Variants in NRG1 observed in about 807,000 individuals in gnomAD.
NRG1 encodes pro-neuregulin-1, membrane-bound isoform.
NRG1 carries 18 observed loss-of-function variants against 63.8 expected under a neutral mutation model. The ratio of observed to expected loss-of-function variants is 0.28; its 90% CI spans 0.19 to 0.42. NRG1 has a LOEUF of 0.42. Among genes scored for constraint, NRG1 ranks in the 10% least tolerant of loss-of-function variants. The probability of loss-of-function intolerance (pLI) is 1.00; values close to 1 mark genes in which losing one functional copy is unlikely to be tolerated. For missense variants in NRG1, 762 were observed against 814.7 expected (o/e 0.94, Z 0.79); for synonymous variants, 302 against 301.3 (o/e 1.00, Z -0.02).
intron 1 of NRG1, among the ~76,000 whole-genome samples, chr8:31,793,144 C>T (rs1302270115): frequency 6.6e-6 from 1 of 152,154 alleles, no homozygotes; most frequent in African/African-American, 2.4e-5. Context: ...TTGGCAATAA[C>T]TCAAGGTCTG....
chr8:32,096,298 G>A (rs533814984), intron 1 of NRG1, among the ~76,000 whole-genome samples: 34 of 152,182 alleles, frequency 2.2e-4, no homozygotes, highest in African/African-American at 5.5e-4. Context: ...AAAATTTTTC[G>A]TTGATACATA....
intron 1 of NRG1, among the ~76,000 whole-genome samples, chr8:32,568,480 A>C (rs1837890634): frequency 1.3e-5 from 2 of 152,220 alleles, no homozygotes; most frequent in Non-Finnish European, 2.9e-5. Flanking sequence ...TGCTTTGGGA[A>C]TATATCCAAG....
intron 1 of NRG1, among the ~76,000 whole-genome samples, chr8:32,296,952 T>A (rs1407158057): frequency 6.6e-6 from 1 of 151,950 alleles, no homozygotes; most frequent in Non-Finnish European, 1.5e-5. Context: ...CCCACTCTAC[T>A]AAAAATACAA....
chr8:32,243,091 CA>C (rs1848269963), intron 1 of NRG1, among the ~76,000 whole-genome samples: 1 of 151,992 alleles, frequency 6.6e-6, no homozygotes, highest in African/African-American at 2.4e-5. Flanking sequence ...TTCCTCTATG[CA>C]TGTCTGTCTC....
intron 1 of NRG1, among the ~76,000 whole-genome samples, chr8:32,215,709 A>C (rs1845147228): frequency 6.6e-6 from 1 of 152,120 alleles, no homozygotes; most frequent in South Asian, 2.1e-4. Flanking sequence ...AAAATTTTTG[A>C]CTTTGTTTAA....
intron 1 of NRG1, among the ~76,000 whole-genome samples, chr8:32,166,299 C>T (rs1476120404): frequency 6.6e-6 from 1 of 152,070 alleles, no homozygotes; most frequent in Non-Finnish European, 1.5e-5. Flanking sequence ...GCTCAGCTCA[C>T]AACTGGAAAT....
rs115374495 is a variant in NRG1, at chr8:31,722,572, A to G, written c.37+83141A>G. On this transcript the variant is annotated intron_variant, in intron 1 of 10. Transcript: ENST00000519301. ...CTGTATTTTAATTCACTGCCTATCA[A>G]GCCTTGCTCTCTTTGAATTATATTT... Among the ~76,000 whole-genome samples the G allele has an allele frequency of 3.2e-3, 492 of 152,330 alleles. 8 individuals carry two copies. Among genetic ancestry groups the G allele is most frequent in the African/African-American group, 0.01 (424 of 41,578 alleles).
chr8:32,170,762 G>C lies in NRG1; in HGVS notation c.38-425066G>C, dbSNP rs144973953. On this transcript the variant is annotated intron_variant, in intron 1 of 10. Coordinates refer to the NRG1 transcript ENST00000519301. ...TGATTTGGAGTATCTAGTCTCCAAA[G>C]TGATTGCTCTAGAGACATTTATCAA... Among the ~76,000 whole-genome samples the C allele has an allele frequency of 1.2e-4, 19 of 152,310 alleles. 1 individual carries two copies. The East Asian group carries it at 3.5e-3, about 28-fold the overall frequency.
At chr8:32,175,729 A>T (rs996236702) in intron 1 of NRG1, among the ~76,000 whole-genome samples, 4 of 152,208 alleles carry the variant, frequency 2.6e-5, no homozygotes, top group African/African-American at 9.7e-5. Context: ...ACTCCCATTC[A>T]CAATTGCTTC....
At chr8:32,278,511 C>G (rs1295314758) in intron 1 of NRG1, among the ~76,000 whole-genome samples, 1 of 152,138 alleles carries the variant, frequency 6.6e-6, no homozygotes, top group Non-Finnish European at 1.5e-5. Flanking sequence ...GGTCATCATT[C>G]CTAATTAGAG....
chr8:31,846,867 T>C (rs1390253351), intron 1 of NRG1, among the ~76,000 whole-genome samples: 3 of 152,192 alleles, frequency 2.0e-5, no homozygotes, highest in Admixed American at 1.3e-4. Flanking sequence ...TGTCATTTAG[T>C]GAATATGTAT....
chr8:32,683,756 T>C (rs769826901), intron 5 of NRG1, among the ~76,000 whole-genome samples: 1 of 152,114 alleles, frequency 6.6e-6, no homozygotes, highest in Non-Finnish European at 1.5e-5. Context: ...TTTATACTGA[T>C]GAAATGCTGT....
At chr8:32,495,087 C>T (rs1006997373) in intron 1 of NRG1, among the ~76,000 whole-genome samples, 1 of 152,146 alleles carries the variant, frequency 6.6e-6, no homozygotes, top group Admixed American at 6.5e-5. Context: ...TTGAAATAGA[C>T]TTAGTGGGTA....
At chr8:32,526,772 T>A (rs1196089451) in intron 1 of NRG1, among the ~76,000 whole-genome samples, 1 of 152,188 alleles carries the variant, frequency 6.6e-6, no homozygotes, top group African/African-American at 2.4e-5. Context: ...TGAGGCATTT[T>A]ATTTCTTTGG....
intron 1 of NRG1, among the ~76,000 whole-genome samples, chr8:32,020,635 A>C (rs890394866): frequency 6.6e-6 from 1 of 152,324 alleles, no homozygotes; most frequent in East Asian, 1.9e-4. Context: ...AACAATGTAC[A>C]TTTGGCTATT....
At chr8:31,982,787 A>T (rs776910612) in intron 1 of NRG1, among the ~76,000 whole-genome samples, 2 of 152,124 alleles carry the variant, frequency 1.3e-5, no homozygotes, top group African/African-American at 2.4e-5. Context: ...TTTTCATCTA[A>T]GAGTTTTAAT....
chr8:32,158,450 T>G (rs1295219751), intron 1 of NRG1, among the ~76,000 whole-genome samples: 2 of 93,992 alleles, frequency 2.1e-5, no homozygotes, highest in Non-Finnish European at 3.9e-5. Flanking sequence ...GTTTACATGA[T>G]ATATATATAT....
intron 1 of NRG1, among the ~76,000 whole-genome samples, chr8:32,459,284 A>G (rs1822006297): frequency 6.6e-6 from 1 of 152,118 alleles, no homozygotes; most frequent in African/African-American, 2.4e-5. Context: ...TCTGATCCCC[A>G]TATCCTATAA....
At chr8:32,743,333 C>G (rs1589539555) in intron 7 of NRG1, 5 of 560,574 alleles carry the variant, frequency 8.9e-6, no homozygotes, top group Non-Finnish European at 1.1e-5. Context: ...AATGAGATAT[C>G]CTGGCTTCTG....
Sources: allele counts gnomAD v4.1 joint callset (sites outside exome capture counted in the v4.1 genomes callset), GRCh38; gene constraint gnomAD v4.1.1; transcripts MANE v1.5; gene names NCBI Gene and HGNC (gene_info 2026-07-23, HGNC 2026-07-21).